The following PEX5L variants were observed in gnomAD, a reference collection of about 807,000 sequenced individuals.
PEX5L encodes PEX5-related protein.
PEX5L carries 30 observed loss-of-function variants against 84.0 expected under a neutral mutation model. That is an observed-to-expected ratio of 0.36 (90% CI 0.27 to 0.48). The LOEUF is 0.48. Among genes scored for constraint, PEX5L ranks in the 20% least tolerant of loss-of-function variants. The pLI is 0.99. For synonymous variants in PEX5L, 270 were observed against 283.1 expected (o/e 0.95, Z 0.46); for missense variants, 533 against 754.6 (o/e 0.71, Z 3.44).
At chr3:179,873,674 C>T (rs1388956624) in intron 7 of PEX5L, among the ~76,000 whole-genome samples, 1 of 152,112 alleles carries the variant, frequency 6.6e-6, no homozygotes, top group African/African-American at 2.4e-5. Flanking sequence ...AGTGATTTAG[C>T]TGAGTGTCCC....
chr3:180,005,096 A>G (rs1353555439), intron 1 of PEX5L, among the ~76,000 whole-genome samples: 3 of 152,152 alleles, frequency 2.0e-5, no homozygotes, highest in Non-Finnish European at 4.4e-5. Flanking sequence ...TTTTCTTATA[A>G]CATATAGCAG....
At chr3:179,925,074 A>T (rs1282241926) in intron 2 of PEX5L, among the ~76,000 whole-genome samples, 6 of 152,106 alleles carry the variant, frequency 3.9e-5, no homozygotes, top group Non-Finnish European at 7.4e-5. Flanking sequence ...CACATCAGAA[A>T]CTCATCTTCC....
chr3:179,795,115 A>G lies in PEX5L; in HGVS notation c.*6713T>C, dbSNP rs1205726981. 6.6e-6 allele frequency: 1 copy of G among 152,198 alleles called. No homozygotes were observed. Among genetic ancestry groups the G allele is most frequent in the East Asian group, 1.9e-4 (1 of 5,202 alleles). 9.4% of individuals were successfully genotyped at this position (152,198 alleles called of 1,614,324 possible). ...ATTTCCAGATAGCTCATGCAAAATC[A>G]TATGTAGTGATATTCAATATTTAAT... On this transcript the variant is annotated 3_prime_UTR_variant, in exon 15 of 15. Transcript: ENST00000467460.
intron 14 of PEX5L, among the ~76,000 whole-genome samples, chr3:179,803,545 T>C (rs1339871055): frequency 6.6e-6 from 1 of 152,238 alleles, no homozygotes; most frequent in African/African-American, 2.4e-5. Context: ...GTGCACCTGC[T>C]GGGTCTGCCC....
chr3:179,944,265 G>C (rs1233737878), intron 2 of PEX5L, among the ~76,000 whole-genome samples: 4 of 152,164 alleles, frequency 2.6e-5, no homozygotes, highest in Admixed American at 6.5e-5. Flanking sequence ...ATGCATAAAA[G>C]ATGGGAGGTT....
intron 7 of PEX5L, among the ~76,000 whole-genome samples, chr3:179,861,024 C>T (rs1169523393): frequency 1.3e-5 from 2 of 152,178 alleles, no homozygotes; most frequent in Non-Finnish European, 2.9e-5. Flanking sequence ...CTGTGGATTG[C>T]AAGCAATAAT....
At chr3:179,976,085 T>A (rs9841654) in intron 1 of PEX5L, among the ~76,000 whole-genome samples, 34,697 of 152,016 alleles carry the variant, frequency 0.23, 4,322 homozygotes, top group East Asian at 0.54. Context: ...AAGGAAGAGA[T>A]GAGGACTACG....
intron 2 of PEX5L, among the ~76,000 whole-genome samples, chr3:179,917,346 T>A (rs7610744): frequency 0.29 from 44,087 of 151,540 alleles, 6,653 homozygotes; most frequent in Non-Finnish European, 0.34. Flanking sequence ...TTTTTTTTTT[T>A]TAAAATAAGC....
rs1263508252 is a variant in PEX5L at position 179,845,897 on chromosome 3, C to T, written c.822+13165G>A. ...ATTTATATCTATGATGGGCCAGGCG[C>T]GGTGGCTCACGCCTGTAATGCCAGC... On this transcript the variant is annotated intron_variant, in intron 8 of 14. Coordinates refer to ENST00000467460, the MANE Select transcript of PEX5L (RefSeq NM_016559.3). Among the ~76,000 whole-genome samples, 11 of 152,254 alleles carry T rather than the reference C, an allele frequency of 7.2e-5. No individual in the cohort carries two copies. In the South Asian group the frequency reaches 8.3e-4, roughly 11 times the overall value.
At chr3:179,830,824 C>G (rs935962175) in intron 8 of PEX5L, among the ~76,000 whole-genome samples, 2 of 152,270 alleles carry the variant, frequency 1.3e-5, no homozygotes, top group Non-Finnish European at 2.9e-5. Flanking sequence ...AGAGAAAAAA[C>G]CCCACTCTCT....
At chr3:179,879,795 C>T in intron 5 of PEX5L, 134 bp downstream of exon 5, 1 of 568,562 alleles carries the variant, frequency 1.8e-6, no homozygotes, top group Non-Finnish European at 3.0e-6. Flanking sequence ...GAAGCTATGT[C>T]CTGTCCAGTT....
rs1203894965 is a variant in PEX5L at position 179,921,375 on chromosome 3, C to T, written c.94-23129G>A. Reference sequence around the variant, plus strand: ...AAATCAAACAGGTGCTTAAGGAACTCGCAGAATGAAGGCTTTTCCTTAAAG... The same window carrying T: ...AAATCAAACAGGTGCTTAAGGAACTTGCAGAATGAAGGCTTTTCCTTAAAG... On this transcript the variant is annotated intron_variant, in intron 2 of 14. Coordinates refer to ENST00000467460, the MANE Select transcript of PEX5L (RefSeq NM_016559.3). 2.0e-5 allele frequency among the ~76,000 whole-genome samples: 3 copies of T among 152,176 alleles called. No individual in the cohort carries two copies. In the South Asian group the frequency reaches 6.2e-4, roughly 32 times the overall value.
intron 8 of PEX5L, among the ~76,000 whole-genome samples, chr3:179,832,059 G>A (rs905529438): frequency 3.3e-5 from 5 of 152,136 alleles, no homozygotes; most frequent in Non-Finnish European, 7.3e-5. Flanking sequence ...TCTCCACACC[G>A]AAGACAGCAA....
chr3:180,015,909 A>C, intron 1 of PEX5L, among the ~76,000 whole-genome samples: 1 of 131,650 alleles, frequency 7.6e-6, no homozygotes, highest in South Asian at 2.3e-4. Context: ...AATGTATAAT[A>C]AATAAACAAA....
intron 8 of PEX5L, among the ~76,000 whole-genome samples, chr3:179,821,155 G>A (rs750755735): frequency 6.6e-6 from 1 of 152,126 alleles, no homozygotes; most frequent in African/African-American, 2.4e-5. Flanking sequence ...CACTACATAA[G>A]CCTTCCATAT....
chr3:179,879,823 T>G, intron 5 of PEX5L, 106 bp downstream of exon 5: 3 of 752,066 alleles, frequency 4.0e-6, no homozygotes, highest in Non-Finnish European at 6.3e-6. Flanking sequence ...TGGAATGCCT[T>G]TTCTACTCCT....
In PEX5L at chr3:179,810,846, C is replaced by T. The variant is rs145452738; in HGVS notation, c.1154+955G>A. 5.8e-3 allele frequency among the ~76,000 whole-genome samples: 880 copies of T among 152,182 alleles called. 18 individuals carry two copies. The highest frequency in any genetic ancestry group is 0.048 in the Admixed American group (734 of 15,280). ...GGCTGTGCTTGGGCATTATTTTTCC[C>T]CTCCAAACGATTCTAATGTGCATGT... On this transcript the variant is annotated intron_variant, in intron 11 of 14. Transcript: ENST00000467460.
chr3:179,808,441 C>T lies in PEX5L; in HGVS notation c.1353-4G>A. 1 of 1,445,354 alleles carries T rather than the reference C, an allele frequency of 6.9e-7. No homozygotes were observed. Among genetic ancestry groups the T allele is most frequent in the Non-Finnish European group, 9.1e-7 (1 of 1,093,776 alleles). 89.5% of individuals were successfully genotyped at this position (1,445,354 alleles called of 1,614,324 possible). On this transcript the variant is annotated splice_region_variant and splice_polypyrimidine_tract_variant and intron_variant, in intron 12 of 14. Coordinates refer to ENST00000467460, the MANE Select transcript of PEX5L (RefSeq NM_016559.3). ...CTTCACCCCTTCCAGAACAGAGCTA[C>T]AAGAGAAAAAAAAAATTAGATTTGT...
At chr3:179,818,157 C>T (rs1726878543) in intron 9 of PEX5L, among the ~76,000 whole-genome samples, 1 of 152,060 alleles carries the variant, frequency 6.6e-6, no homozygotes, top group Non-Finnish European at 1.5e-5. Context: ...ATATTTGTTG[C>T]ATTAGCAAAA....
Sources: allele counts gnomAD v4.1 joint callset (sites outside exome capture counted in the v4.1 genomes callset), GRCh38; gene constraint gnomAD v4.1.1; transcripts MANE v1.5; gene names NCBI Gene and HGNC (gene_info 2026-07-23, HGNC 2026-07-21).